The following KLHL30 variants were observed in gnomAD, a reference collection of about 807,000 sequenced individuals.
KLHL30 encodes the protein kelch like family member 30.
A neutral mutation model predicts 55.0 loss-of-function variants in KLHL30; 55 were observed. The observed-to-expected ratio is 1.00, with a 90% CI of 0.80 to 1.25. The LOEUF is 1.25. Among genes scored for constraint, KLHL30 ranks in the 50% most tolerant of loss-of-function variants. The pLI, the probability that KLHL30 is intolerant of heterozygous loss-of-function variation, is 0.00. For synonymous variants in KLHL30, 356 were observed against 372.6 expected (o/e 0.96, Z 0.51); for missense variants, 786 against 811.6 (o/e 0.97, Z 0.38).
At chr2:238,150,588 G>A (rs1341889920) in intron 7 of KLHL30, among the ~76,000 whole-genome samples, 1 of 152,168 alleles carries the variant, frequency 6.6e-6, no homozygotes, top group Non-Finnish European at 1.5e-5. Context: ...TCATCCCAAG[G>A]GCTGAGGGTC....
chr2:238,148,973 T>C lies in KLHL30; in HGVS notation c.1340-34T>C, dbSNP rs765586896. 4 of 1,558,652 alleles carry C rather than the reference T, an allele frequency of 2.6e-6. No individual in the cohort carries two copies. The Admixed American group carries it at 7.7e-5, about 30-fold the overall frequency. On this transcript the variant is annotated intron_variant, in intron 6 of 7. Transcript: ENST00000409223. ...GTGCTAGTGCCCGCTCTGGCAACCCTGGTGACGGTGGCCAGTGCCCGTGCC... is the reference window on the plus strand; with the variant it reads ...GTGCTAGTGCCCGCTCTGGCAACCCCGGTGACGGTGGCCAGTGCCCGTGCC...
chr2:238,142,516 C>T (rs868148435), intron 2 of KLHL30, among the ~76,000 whole-genome samples: 2 of 152,168 alleles, frequency 1.3e-5, no homozygotes, highest in African/African-American at 2.4e-5. Context: ...ACCCTCGTGC[C>T]GCCTGCTGGA....
At position 238,141,281 on chromosome 2, in the gene KLHL30, G is replaced by A. The variant is rs775709856; in HGVS notation, c.527G>A (p.Arg176Gln). Residue 176 changes from arginine to glutamine, a missense_variant, in exon 2 of 8, where the codon CGA becomes CAA. Coordinates refer to ENST00000409223, the MANE Select transcript of KLHL30 (RefSeq NM_198582.4). ...GAGGACGAGTTCCTGCAGCTTCCCC[G>A]AGAGCGGCTGGTCACTTGTCTGGCC... is the stretch of plus-strand genomic sequence containing the variant. ...AREDEFLQLP[R>Q]ERLVTCLAGD... 27 of 1,601,668 alleles carry A rather than the reference G, an allele frequency of 1.7e-5. No homozygotes were observed. The highest frequency in any genetic ancestry group is 1.2e-4 in the South Asian group (11 of 90,874).
chr2:238,140,953 G>T lies in KLHL30; in HGVS notation c.199G>T (p.Ala67Ser). 3.1e-6 allele frequency: 5 copies of T among 1,611,832 alleles called. No homozygotes were observed. Among genetic ancestry groups the T allele is most frequent in the Non-Finnish European group, 4.2e-6 (5 of 1,179,208 alleles). ...CCATGCCATGTTTGCGGGTGACTTC[G>T]CCGAGAGCTTCTCTGCGCGCGTGGA... ...YFHAMFAGDF[A>S]ESFSARVELR... Residue 67 changes from alanine (A) to serine (S), a missense_variant, in exon 2 of 8, where the codon GCC becomes TCC. Ala to Ser is a moderately conservative substitution (Grantham distance 99, BLOSUM62 1). Transcript: ENST00000409223.
Position 238,151,329 on chromosome 2 carries a change from C to G in KLHL30, c.*264C>G, listed in dbSNP as rs1390885418. ...AACAGGGACAGGAAGCTCTGCTGCC[C>G]CTGGGGTTCCCGAGACCTCAGAGAG... On this transcript the variant is annotated 3_prime_UTR_variant, in exon 8 of 8. Transcript: ENST00000409223. The G allele has an allele frequency of 1.3e-5, 7 of 552,534 alleles. No individual in the cohort carries two copies. Among genetic ancestry groups the G allele is most frequent in the African/African-American group, 1.9e-5 (1 of 53,086 alleles). The allele number at this position is 552,534 out of a possible 1,614,324, so 34.2% of individuals were successfully genotyped here.
At chr2:238,139,262 G>A (rs1692486585) in intron 1 of KLHL30, among the ~76,000 whole-genome samples, 2 of 152,218 alleles carry the variant, frequency 1.3e-5, no homozygotes, top group African/African-American at 2.4e-5. Context: ...CAACAATGAC[G>A]GGAATGTGAG....
intron 6 of KLHL30, 55 bp downstream of exon 6, chr2:238,148,077 ACAG>A: frequency 1.5e-6 from 2 of 1,325,602 alleles, no homozygotes; most frequent in Non-Finnish European, 2.0e-6. Context: ...CTGACAGGCG[ACAG>A]TCCGCTCGTA....
In KLHL30 at chr2:238,141,150, C is replaced by T. The variant is rs1360389597; in HGVS notation, c.396C>T (p.Ala132=). 13 of 1,611,576 alleles carry T rather than the reference C, an allele frequency of 8.1e-6. No individual in the cohort carries two copies. Among genetic ancestry groups the T allele is most frequent in the South Asian group, 4.4e-5 (4 of 91,036 alleles). The change falls in exon 2 of 8, where the codon GCC becomes GCT. Residue 132 remains alanine, a synonymous_variant. Transcript: ENST00000409223. Reference sequence around the variant, plus strand: ...GCTACCTGCAGCAGCAACTGGATGCCGCCAACTGCCTGGGCATCTGTGAGT... The same window carrying T: ...GCTACCTGCAGCAGCAACTGGATGCTGCCAACTGCCTGGGCATCTGTGAGT... ...CGRYLQQQLD[A]ANCLGICEFG... is the part of the protein sequence containing the mutation.
At position 238,152,189 on chromosome 2, in the gene KLHL30, G is replaced by A. The variant is rs1220842071; in HGVS notation, c.*1124G>A. 7 of 985,324 alleles carry A rather than the reference G, an allele frequency of 7.1e-6. No homozygotes were observed. Among genetic ancestry groups the A allele is most frequent in the African/African-American group, 3.5e-5 (2 of 57,210 alleles). 61.0% of individuals were successfully genotyped at this position (985,324 alleles called of 1,614,324 possible). On this transcript the variant is annotated 3_prime_UTR_variant, in exon 8 of 8. Coordinates refer to ENST00000409223, the MANE Select transcript of KLHL30 (RefSeq NM_198582.4). ...CCCTGGGCAGCTCCGGTCTCCCGCC[G>A]GATCCAGGCTTCCTCTCCAGGACCA...
Position 238,151,369 on chromosome 2 carries a change from G to A in KLHL30, c.*304G>A, listed in dbSNP as rs141839805. On this transcript the variant is annotated 3_prime_UTR_variant, in exon 8 of 8. Coordinates refer to ENST00000409223, the MANE Select transcript of KLHL30 (RefSeq NM_198582.4). The stretch of plus-strand genomic sequence containing the variant: ...ACCTCAGAGAGGGGAGCCGGGGGCC[G>A]GGCCAGCATTCCCAGAGCTTGCGAG... 17 of 465,180 alleles carry A rather than the reference G, an allele frequency of 3.7e-5. No individual in the cohort carries two copies. Among genetic ancestry groups the A allele is most frequent in the South Asian group, 9.0e-5 (3 of 33,394 alleles). The allele number at this position is 465,180 out of a possible 1,614,324, so 28.8% of individuals were successfully genotyped here. A position where few individuals can be genotyped will look rare whatever the true frequency, so the allele number is the denominator to read the frequency against.
In KLHL30 at chr2:238,141,195, G is replaced by T; in HGVS notation, c.441G>T (p.Leu147=). ...GICEFGEQQG[L]LGVAAKAWAF... ...GTGAGTTCGGGGAGCAGCAAGGGCT[G>T]CTGGGCGTGGCTGCCAAGGCCTGGG... Residue 147 remains leucine (L), a synonymous_variant, in exon 2 of 8, where the codon CTG becomes CTT. Transcript: ENST00000409223. 1 of 1,611,348 alleles carries T rather than the reference G, an allele frequency of 6.2e-7. No homozygotes were observed. Among genetic ancestry groups the T allele is most frequent in the Non-Finnish European group, 8.5e-7 (1 of 1,179,680 alleles).
chr2:238,144,319 G>A (rs560705233), intron 3 of KLHL30, among the ~76,000 whole-genome samples: 3 of 152,086 alleles, frequency 2.0e-5, no homozygotes, highest in South Asian at 4.2e-4. Flanking sequence ...CCTGCTGCAG[G>A]TCCTGATCCC....
Position 238,140,880 on chromosome 2 carries a change from G to C in KLHL30, c.126G>C (p.Arg42=), listed in dbSNP as rs775477849. The C allele has an allele frequency of 6.2e-7, 1 of 1,611,178 alleles. No homozygotes were observed. Among genetic ancestry groups the C allele is most frequent in the Admixed American group, 1.7e-5 (1 of 59,956 alleles). The change falls in exon 2 of 8, where the codon CGG becomes CGC. Residue 42 remains arginine (R), a synonymous_variant. Transcript: ENST00000409223. The part of the protein sequence containing the change: ...LADVTLLVGG[R]ELPCHRGLLA... ...ACGTCACACTGCTGGTGGGCGGCCG[G>C]GAGCTGCCATGCCACCGCGGCCTCC...
intron 3 of KLHL30, among the ~76,000 whole-genome samples, chr2:238,143,325 G>C (rs544886410): frequency 3.9e-5 from 6 of 151,974 alleles, no homozygotes; most frequent in African/African-American, 1.2e-4. Flanking sequence ...AGAGTGGGGT[G>C]GGGGGTGAAG....
At chr2:238,146,381 A>C (rs1353184603) in intron 5 of KLHL30, among the ~76,000 whole-genome samples, 2 of 150,072 alleles carry the variant, frequency 1.3e-5, no homozygotes, top group African/African-American at 4.9e-5. Flanking sequence ...TCCCTTTTTA[A>C]AATTATTTAT....
intron 1 of KLHL30, among the ~76,000 whole-genome samples, chr2:238,139,226 C>T (rs1559273615): frequency 6.6e-6 from 1 of 152,206 alleles, no homozygotes; most frequent in African/African-American, 2.4e-5. Context: ...TGCCCATCGC[C>T]CGGCAGCAGC....
chr2:238,139,439 G>A (rs1003629240), intron 1 of KLHL30, among the ~76,000 whole-genome samples: 6 of 152,314 alleles, frequency 3.9e-5, no homozygotes, highest in African/African-American at 7.2e-5. Context: ...TTCGTGTACC[G>A]GCCGGGATGC....
chr2:238,141,578 C>G, intron 2 of KLHL30, 50 bp downstream of exon 2: 1 of 1,425,856 alleles, frequency 7.0e-7, no homozygotes, highest in South Asian at 1.5e-5. Context: ...GGAGGAGAGC[C>G]CCAGAGACCC....
intron 7 of KLHL30, among the ~76,000 whole-genome samples, chr2:238,150,066 C>A (rs1429820440): frequency 6.6e-6 from 1 of 152,196 alleles, no homozygotes; most frequent in East Asian, 1.9e-4. Context: ...TGACCCAGGG[C>A]CCCCATTACA....
Sources: allele counts gnomAD v4.1 joint callset (sites outside exome capture counted in the v4.1 genomes callset), GRCh38; gene constraint gnomAD v4.1.1; transcripts MANE v1.5; gene names NCBI Gene and HGNC (gene_info 2026-07-23, HGNC 2026-07-21).